Variants in JADE2 observed in about 807,000 individuals in gnomAD.
The protein encoded by JADE2 is jade family PHD finger 2.
Under a neutral mutation model 85.7 loss-of-function variants are expected in JADE2, and 13 were observed. The ratio of observed to expected loss-of-function variants is 0.15; its 90% CI spans 0.10 to 0.24. The LOEUF (loss-of-function observed/expected upper bound fraction) is 0.24, where lower values mean the gene tolerates loss of function less well. Among genes scored for constraint, JADE2 ranks in the 10% least tolerant of loss-of-function variants. The probability of loss-of-function intolerance (pLI) is 1.00; values close to 1 mark genes in which losing one functional copy is unlikely to be tolerated. For missense variants in JADE2, 846 were observed against 1,115.9 expected (o/e 0.76, Z 3.45); for synonymous variants, 440 against 456.1 (o/e 0.96, Z 0.45).
rs1761703235 is a variant in JADE2 at position 134,537,969 on chromosome 5, G to A, written c.59-20G>A. 6 of 1,603,082 alleles carry A rather than the reference G, an allele frequency of 3.7e-6. No homozygotes were observed. The highest frequency in any genetic ancestry group is 1.7e-4 in the Middle Eastern group (1 of 6,042). On this transcript the variant is annotated intron_variant, in intron 2 of 11. Coordinates refer to ENST00000681547, the MANE Select transcript of JADE2 (RefSeq NM_001388185.1). The stretch of plus-strand genomic sequence containing the variant: ...CTCCTGGCCCTCCAGGACCCCTAAT[G>A]GACTGTTCTCTCTCTGCAGGTCATG...
At chr5:134,569,273 C>A (rs1402700473) in intron 9 of JADE2, among the ~76,000 whole-genome samples, 3 of 152,150 alleles carry the variant, frequency 2.0e-5, no homozygotes, top group Admixed American at 2.0e-4. Context: ...ACCAAAAGGG[C>A]AGGCCCAGTG....
intron 1 of JADE2, among the ~76,000 whole-genome samples, chr5:134,529,271 C>CTCCAGGGCAAGG (rs1761074513): frequency 6.6e-6 from 1 of 152,158 alleles, no homozygotes; most frequent in Admixed American, 6.5e-5. Context: ...TTGCCCTGTC[C>CTCCAGGGCAAGG]TCCAGATAGG....
rs914408703 is a variant in JADE2, at chr5:134,562,494, C to T, written c.852+127C>T. On this transcript the variant is annotated intron_variant, in intron 7 of 11. Coordinates refer to ENST00000681547, the MANE Select transcript of JADE2 (RefSeq NM_001388185.1). This position sits in a 1 kb window ranked among gnomAD's most constrained non-coding sequence, Gnocchi z 4.6. Reference sequence around the variant, plus strand: ...CTCGCACTAAAACACTGAGATCGGCCGGGCGCGGTGGCTCACGCCTGTAAT... The same window carrying T: ...CTCGCACTAAAACACTGAGATCGGCTGGGCGCGGTGGCTCACGCCTGTAAT... 48 of 993,306 alleles carry T rather than the reference C, an allele frequency of 4.8e-5. No homozygotes were observed. In the South Asian group the frequency reaches 4.9e-4, roughly 10 times the overall value. The allele number at this position is 993,306 out of a possible 1,614,324, so 61.5% of individuals were successfully genotyped here.
chr5:134,563,484 G>T (rs902749595), intron 7 of JADE2, among the ~76,000 whole-genome samples: 3 of 152,202 alleles, frequency 2.0e-5, no homozygotes, highest in Non-Finnish European at 4.4e-5. Flanking sequence ...GAGGTCCTGG[G>T]TGCCTGGCAG....
chr5:134,542,650 C>T (rs949334372), intron 3 of JADE2, among the ~76,000 whole-genome samples: 1 of 152,012 alleles, frequency 6.6e-6, no homozygotes, highest in Non-Finnish European at 1.5e-5. Flanking sequence ...CCACGTTGGT[C>T]AGGGTGGTCT....
chr5:134,524,793 C>G (rs373760989), upstream of JADE2, among the ~76,000 whole-genome samples: 2 of 152,222 alleles, frequency 1.3e-5, no homozygotes, highest in African/African-American at 4.8e-5. Context: ...CAAGTTCCCC[C>G]GCCCGGAATG....
chr5:134,555,714 C>T (rs1189857204), intron 4 of JADE2, among the ~76,000 whole-genome samples: 4 of 152,218 alleles, frequency 2.6e-5, no homozygotes, highest in Non-Finnish European at 5.9e-5. Context: ...AAAGCTGGTT[C>T]ACAACCAAAT....
At chr5:134,530,786 G>T (rs1197171012) in intron 1 of JADE2, among the ~76,000 whole-genome samples, 1 of 152,148 alleles carries the variant, frequency 6.6e-6, no homozygotes, top group East Asian at 1.9e-4. Context: ...AATGTGTGAG[G>T]TTAAGACGGG....
At position 134,551,757 on chromosome 5, in the gene JADE2, G is replaced by C. The variant is rs191308749; in HGVS notation, c.154-295G>C. ...TTTTGATTTTTGCCTTTCTCTGCCA[G>C]TCTTTCTTTCTCTCATAGGTCCACT... On this transcript the variant is annotated intron_variant, in intron 3 of 11. Transcript: ENST00000681547. Among the ~76,000 whole-genome samples the C allele has an allele frequency of 3.5e-3, 539 of 152,174 alleles. 1 individual carries two copies. Among genetic ancestry groups the C allele is most frequent in the Middle Eastern group, 6.8e-3 (2 of 294 alleles).
At chr5:134,524,747 G>A (rs904496658), upstream of JADE2, among the ~76,000 whole-genome samples, 1 of 152,120 alleles carries the variant, frequency 6.6e-6, no homozygotes, top group Admixed American at 6.5e-5. Context: ...CCCTCTCTAC[G>A]GACCGCCCCT....
At chr5:134,570,205 T>C (rs544055259) in intron 9 of JADE2, among the ~76,000 whole-genome samples, 6 of 152,110 alleles carry the variant, frequency 3.9e-5, no homozygotes, top group Non-Finnish European at 8.8e-5. Context: ...ACCTCATACC[T>C]GCTGCCCACA....
intron 2 of JADE2, among the ~76,000 whole-genome samples, chr5:134,537,042 C>T (rs149948494): frequency 5.2e-4 from 79 of 152,358 alleles, no homozygotes; most frequent in African/African-American, 1.8e-3. Flanking sequence ...TTCTTCCCTA[C>T]AGCAGGAGAT....
chr5:134,549,717 C>G (rs929933686), intron 3 of JADE2, among the ~76,000 whole-genome samples: 3 of 152,178 alleles, frequency 2.0e-5, no homozygotes, highest in Non-Finnish European at 2.9e-5. Context: ...TCTAACCCAC[C>G]TATGCCTCTT....
chr5:134,535,076 T>C (rs939054889), intron 1 of JADE2, among the ~76,000 whole-genome samples: 19 of 152,180 alleles, frequency 1.2e-4, no homozygotes, highest in African/African-American at 4.1e-4. Context: ...TAAATGGAGC[T>C]CACAGCTCAC....
At chr5:134,561,738 C>T (rs976251988) in intron 6 of JADE2, among the ~76,000 whole-genome samples, 1 of 152,162 alleles carries the variant, frequency 6.6e-6, no homozygotes, top group African/African-American at 2.4e-5. Flanking sequence ...TCCCTTATAC[C>T]CAGCAGCTCT....
At position 134,525,992 on chromosome 5, in the gene JADE2, G is replaced by A. The variant is rs1760784398; in HGVS notation, c.-20G>A. 1 of 984,820 alleles carries A rather than the reference G, an allele frequency of 1.0e-6. No individual in the cohort carries two copies. Among genetic ancestry groups the A allele is most frequent in the Admixed American group, 6.1e-5 (1 of 16,274 alleles). 61.0% of individuals were successfully genotyped at this position (984,820 alleles called of 1,614,324 possible). On this transcript the variant is annotated 5_prime_UTR_variant, in exon 1 of 12. Transcript: ENST00000681547. ...GCGTAGCCGAGGGCAGCGCCCGTCA[G>A]GGGGGCACCGCGGAGCAAGGTAAGA...
At position 134,581,854 on chromosome 5, in the gene JADE2, C is replaced by G. The variant is rs1192598886; in HGVS notation, c.*2537C>G. ...GCAGCTGTCTCCACCTCCAGGATGTCCAGCAGGCTGCAAGGAGAAGGATGC... is the reference window on the plus strand; with the variant it reads ...GCAGCTGTCTCCACCTCCAGGATGTGCAGCAGGCTGCAAGGAGAAGGATGC... On this transcript the variant is annotated 3_prime_UTR_variant, in exon 12 of 12. Transcript: ENST00000681547. 1 of 152,338 alleles carries G rather than the reference C, an allele frequency of 6.6e-6. No individual in the cohort carries two copies. The highest frequency in any genetic ancestry group is 1.5e-5 in the Non-Finnish European group (1 of 68,114). 9.4% of individuals were successfully genotyped at this position (152,338 alleles called of 1,614,324 possible).
At chr5:134,539,156 G>T (rs1220666885) in intron 3 of JADE2, among the ~76,000 whole-genome samples, 1 of 151,778 alleles carries the variant, frequency 6.6e-6, no homozygotes, top group South Asian at 2.1e-4. Context: ...CCGCCTCTTG[G>T]GTTCACGCCA....
rs958441629 is a variant in JADE2 at position 134,527,011 on chromosome 5, C to A, written c.-1+1000C>A. ...CGGATCCGCAGTCCCCAGCCCTCTG[C>A]CTAGGGCCCTGCACCATGGGTGGTA... On this transcript the variant is annotated intron_variant, in intron 1 of 11. Coordinates refer to ENST00000681547, the MANE Select transcript of JADE2 (RefSeq NM_001388185.1). Among the ~76,000 whole-genome samples, 6 of 152,324 alleles carry A rather than the reference C, an allele frequency of 3.9e-5. No homozygotes were observed. In the East Asian group the frequency reaches 1.2e-3, roughly 29 times the overall value.
Sources: gnomAD v4.1 joint callset for allele counts (sites outside exome capture counted in the v4.1 genomes callset) on GRCh38, gnomAD v4.1.1 for gene constraint, Gnocchi (gnomAD v3.1) non-coding constraint, MANE v1.5 for transcripts, NCBI Gene and HGNC (gene_info 2026-07-23, HGNC 2026-07-21) for gene names.